The following CSRNP3 variants were observed in gnomAD, a reference collection of about 807,000 sequenced individuals.
CSRNP3 encodes the protein cysteine and serine rich nuclear protein 3.
Under a neutral mutation model 48.0 loss-of-function variants are expected in CSRNP3, and 12 were observed. That is an observed-to-expected ratio of 0.25 (90% CI 0.16 to 0.41). The LOEUF (loss-of-function observed/expected upper bound fraction) is 0.41. CSRNP3 is among the 10% of genes least tolerant of loss of function. CSRNP3 has a pLI of 1.00. For synonymous variants in CSRNP3, 263 were observed against 269.7 expected (o/e 0.98, Z 0.24); for missense variants, 580 against 724.4 (o/e 0.80, Z 2.29).
intron 3 of CSRNP3, among the ~76,000 whole-genome samples, chr2:165,568,116 C>G (rs1685321458): frequency 6.6e-6 from 1 of 151,848 alleles, no homozygotes; most frequent in Admixed American, 6.6e-5. Context: ...CTTTCTTCTC[C>G]TTCCTCTCTC....
chr2:165,473,924 C>T (rs138666981), intron 1 of CSRNP3, among the ~76,000 whole-genome samples: 77 of 151,088 alleles, frequency 5.1e-4, no homozygotes, highest in African/African-American at 1.5e-3. Context: ...CTATGAACTA[C>T]GTATAGTAAG....
At chr2:165,560,048 C>G (rs939552812) in intron 3 of CSRNP3, among the ~76,000 whole-genome samples, 9 of 152,068 alleles carry the variant, frequency 5.9e-5, no homozygotes, top group African/African-American at 9.7e-5. Flanking sequence ...ATCCACCCAC[C>G]TTGGCCTCCC....
At chr2:165,544,772 T>C (rs35406004) in intron 3 of CSRNP3, among the ~76,000 whole-genome samples, 36,364 of 151,992 alleles carry the variant, frequency 0.24, 5,455 homozygotes, top group African/African-American at 0.42. Context: ...ACATGCAGTT[T>C]AGGAGAATAG....
At chr2:165,565,199 A>G (rs1685281701) in intron 3 of CSRNP3, among the ~76,000 whole-genome samples, 1 of 152,098 alleles carries the variant, frequency 6.6e-6, no homozygotes. Context: ...ATAATATTCC[A>G]ATAAAATGTG....
chr2:165,544,058 T>C (rs1020808649), intron 3 of CSRNP3, among the ~76,000 whole-genome samples: 12 of 151,930 alleles, frequency 7.9e-5, no homozygotes, highest in African/African-American at 2.7e-4. Flanking sequence ...ATGTAAAATA[T>C]ACAGAATATC....
At chr2:165,592,508 A>G (rs1685734764) in intron 3 of CSRNP3, among the ~76,000 whole-genome samples, 1 of 152,126 alleles carries the variant, frequency 6.6e-6, no homozygotes, top group African/African-American at 2.4e-5. Context: ...GTTTGGCTGT[A>G]TTCCCACCCA....
chr2:165,603,174 C>G (rs997456902), intron 4 of CSRNP3, among the ~76,000 whole-genome samples: 13 of 152,154 alleles, frequency 8.5e-5, no homozygotes, highest in Non-Finnish European at 1.6e-4. Context: ...GGATTACAGG[C>G]GTGAGCCACC....
intron 3 of CSRNP3, among the ~76,000 whole-genome samples, chr2:165,561,371 C>A (rs1685231286): frequency 1.3e-5 from 2 of 151,994 alleles, no homozygotes; most frequent in Admixed American, 6.6e-5. Context: ...GACACACGAA[C>A]CCCCTAAAAG....
chr2:165,501,751 T>A (rs1877870), intron 2 of CSRNP3, among the ~76,000 whole-genome samples: 1 of 152,078 alleles, frequency 6.6e-6, no homozygotes, highest in South Asian at 2.1e-4. Context: ...GTGAGTCAAC[T>A]GAAATAGGCC....
At position 165,504,962 on chromosome 2, in the gene CSRNP3, C is replaced by T. The variant is rs544561168; in HGVS notation, c.-113+10034C>T. Among the ~76,000 whole-genome samples the T allele has an allele frequency of 6.6e-5, 10 of 152,190 alleles. No homozygotes were observed. The South Asian group carries it at 1.9e-3, about 28-fold the overall frequency. Reference sequence around the variant, plus strand: ...TACTTGAGAAGTTCAGACTAATAGACATGACATGTTTTAGCATGCAACCAT... The same window carrying T: ...TACTTGAGAAGTTCAGACTAATAGATATGACATGTTTTAGCATGCAACCAT... On this transcript the variant is annotated intron_variant, in intron 2 of 6. Coordinates refer to ENST00000651982, the MANE Select transcript of CSRNP3 (RefSeq NM_001172173.2).
chr2:165,479,004 TG>T (rs1196894892), intron 1 of CSRNP3, among the ~76,000 whole-genome samples: 1 of 152,174 alleles, frequency 6.6e-6, no homozygotes, highest in African/African-American at 2.4e-5. Context: ...CAGGACATTA[TG>T]GACAATATGA....
intron 3 of CSRNP3, among the ~76,000 whole-genome samples, chr2:165,559,780 A>G (rs1159554214): frequency 6.7e-6 from 1 of 148,422 alleles, no homozygotes; most frequent in Non-Finnish European, 1.5e-5. Context: ...TCTGAATGTA[A>G]TATTTTTCTT....
intron 2 of CSRNP3, among the ~76,000 whole-genome samples, chr2:165,501,371 G>T (rs1298634877): frequency 6.6e-6 from 1 of 152,082 alleles, no homozygotes; most frequent in East Asian, 1.9e-4. Flanking sequence ...ATTGAAGAAT[G>T]GAGTCCAAAA....
At chr2:165,484,899 ATCTC>A (rs527446447) in intron 1 of CSRNP3, among the ~76,000 whole-genome samples, 126 of 151,826 alleles carry the variant, frequency 8.3e-4, no homozygotes, top group Non-Finnish European at 1.4e-3. Context: ...CTTTCACTCA[ATCTC>A]TCTCTCTCTC....
intron 4 of CSRNP3, among the ~76,000 whole-genome samples, chr2:165,653,972 CAAAAAAAAAAAAAAAAAAAAA>C (rs71028497): frequency 1.7e-3 from 69 of 41,236 alleles, no homozygotes; most frequent in African/African-American, 5.8e-3. Context: ...AGCTCTATCA[CAAAAAAAAAAAAAAAAAAAAA>C]AAAAAAAAAA....
intron 4 of CSRNP3, among the ~76,000 whole-genome samples, chr2:165,654,887 C>T (rs1177682375): frequency 6.6e-6 from 1 of 152,182 alleles, no homozygotes; most frequent in Non-Finnish European, 1.5e-5. Flanking sequence ...GTCTTGGCCT[C>T]CCAAAGTGTT....
At chr2:165,509,835 G>A (rs1684478383) in intron 2 of CSRNP3, among the ~76,000 whole-genome samples, 1 of 152,110 alleles carries the variant, frequency 6.6e-6, no homozygotes, top group Non-Finnish European at 1.5e-5. Context: ...ATCCAATCAA[G>A]GATACCACAT....
At chr2:165,553,022 C>A (rs1177769135) in intron 3 of CSRNP3, among the ~76,000 whole-genome samples, 2 of 152,114 alleles carry the variant, frequency 1.3e-5, no homozygotes, top group African/African-American at 2.4e-5. Flanking sequence ...GTAATATCAA[C>A]GTTCATGTAG....
At chr2:165,528,499 C>T (rs572361478) in intron 3 of CSRNP3, among the ~76,000 whole-genome samples, 90 of 152,030 alleles carry the variant, frequency 5.9e-4, no homozygotes, top group Middle Eastern at 3.2e-3. Context: ...ACTTTTGTAA[C>T]GAATATGAGA....
Sources: gnomAD v4.1 joint callset for allele counts (sites outside exome capture counted in the v4.1 genomes callset) on GRCh38, gnomAD v4.1.1 for gene constraint, MANE v1.5 for transcripts, NCBI Gene and HGNC (gene_info 2026-07-23, HGNC 2026-07-21) for gene names.